CYP11A1: variants seen among roughly 807,000 people sequenced by gnomAD.
The protein encoded by CYP11A1 is cholesterol side-chain cleavage enzyme, mitochondrial.
In CYP11A1, 25 loss-of-function variants were observed where a neutral mutation model predicts 51.9. The observed-to-expected ratio is 0.48, with a 90% CI of 0.35 to 0.67. The LOEUF (loss-of-function observed/expected upper bound fraction) is 0.67. Ranked by LOEUF, CYP11A1 falls within the 30% of genes least tolerant of loss-of-function variation. The pLI, the probability that CYP11A1 is intolerant of heterozygous loss-of-function variation, is 0.00. For synonymous variants in CYP11A1, 245 were observed against 262.1 expected (o/e 0.93, Z 0.63); for missense variants, 578 against 680.9 (o/e 0.85, Z 1.68).
At chr15:74,366,277 A>ATTT (rs759681873) in intron 1 of CYP11A1, 881 of 776,074 alleles carry the variant, frequency 1.1e-3, no homozygotes, top group South Asian at 1.3e-3. Flanking sequence ...CCCTCCCCCG[A>ATTT]TTTTTTTTTT....
intron 1 of CYP11A1, chr15:74,365,971 T>C (rs1435889375): frequency 1.2e-6 from 1 of 831,504 alleles, no homozygotes; most frequent in Non-Finnish European, 1.3e-6. Flanking sequence ...GACTGGGACC[T>C]AGGACCTGCG....
At chr15:74,348,089 A>G (rs1242153511) in intron 1 of CYP11A1, 34 bp from the exon 2 acceptor site, 1 of 1,610,384 alleles carries the variant, frequency 6.2e-7, no homozygotes, top group Non-Finnish European at 8.5e-7. Flanking sequence ...TGATGGAAGG[A>G]TCCGAGGAGA....
chr15:74,349,443 A>C (rs2060645994), intron 1 of CYP11A1, among the ~76,000 whole-genome samples: 1 of 152,176 alleles, frequency 6.6e-6, no homozygotes, highest in African/African-American at 2.4e-5. Context: ...TGAGCCAGAA[A>C]GCCTGGGCCT....
chr15:74,357,513 T>G (rs1419008900), intron 1 of CYP11A1, among the ~76,000 whole-genome samples: 1 of 152,206 alleles, frequency 6.6e-6, no homozygotes, highest in Non-Finnish European at 1.5e-5. Context: ...CCATCCTGAC[T>G]AAACCATTAT....
In CYP11A1 at chr15:74,345,100, C is replaced by T. The variant is rs759322669; in HGVS notation, c.569G>A (p.Gly190Asp). ...SVLHRRIKKA[G>D]SGNYSGDISD... ...GATGTCCCCCGAGTAATTTCCGGAG[C>T]CCGCCTTCTTGATGCGCCTGTGCAG... is the stretch of plus-strand genomic sequence containing the variant. The change falls in exon 3 of 9, where the codon GGC (glycine) becomes GAC (aspartate). Residue 190 changes from glycine to aspartate, a missense_variant. Physicochemically the swap from Gly to Asp is moderately conservative, Grantham distance 94. Coordinates refer to ENST00000268053, the MANE Select transcript of CYP11A1 (RefSeq NM_000781.3). This position sits in a 1 kb window ranked among gnomAD's most constrained non-coding sequence, Gnocchi z 4.3. The T allele has an allele frequency of 6.2e-7, 1 of 1,614,116 alleles. No individual in the cohort carries two copies. Among genetic ancestry groups the T allele is most frequent in the Non-Finnish European group, 8.5e-7 (1 of 1,179,986 alleles).
At chr15:74,355,573 T>G (rs2141242263) in intron 1 of CYP11A1, among the ~76,000 whole-genome samples, 1 of 152,138 alleles carries the variant, frequency 6.6e-6, no homozygotes, top group Admixed American at 6.5e-5. Context: ...CTCAGGTCAC[T>G]CCCCAGCCAG....
chr15:74,338,626 C>T lies in CYP11A1; in HGVS notation c.1379G>A (p.Arg460Gln), dbSNP rs1567050773. The T allele has an allele frequency of 2.5e-6, 4 of 1,614,184 alleles. No homozygotes were observed. The highest frequency in any genetic ancestry group is 1.1e-5 in the South Asian group (1 of 91,090). The change falls in exon 8 of 9, where the codon CGG (arginine) becomes CAG (glutamine). Residue 460 changes from arginine (R) to glutamine (Q), a missense_variant. Transcript: ENST00000268053. ...FRNLGFGWGV[R>Q]QCLGRRIAEL... ...AGCGATCCGCCGTCCCAGACACTGCCGCACACCCCAGCCAAAGCCCAAGTT... is the reference window on the plus strand; with the variant it reads ...AGCGATCCGCCGTCCCAGACACTGCTGCACACCCCAGCCAAAGCCCAAGTT...
rs1287160060 is a variant in CYP11A1 at position 74,366,163 on chromosome 15, C to G, written c.269+1154G>C. On this transcript the variant is annotated intron_variant, in intron 1 of 8. Transcript: ENST00000268053. ...GGGCGGACCCAATTTCGGAATAGCG[C>G]GGCCCGGGCGGCGGCGTGCGCTGGG... The G allele has an allele frequency of 1.7e-5, 17 of 985,522 alleles. No individual in the cohort carries two copies. The East Asian group carries it at 1.6e-3, about 92-fold the overall frequency. 61.0% of individuals were successfully genotyped at this position (985,522 alleles called of 1,614,324 possible).
Position 74,367,504 on chromosome 15 carries a change from C to T in CYP11A1, c.82G>A (p.Gly28Arg), listed in dbSNP as rs1251910373. The T allele has an allele frequency of 1.2e-6, 2 of 1,614,150 alleles. No homozygotes were observed. Among genetic ancestry groups the T allele is most frequent in the East Asian group, 2.2e-5 (1 of 44,890 alleles). ...TFLSAPREGL[G>R]RLRVPTGEGA... The stretch of plus-strand genomic sequence containing the variant: ...TCGCCAGTGGGCACCCTGAGACGCC[C>T]CAGCCCCTCCCTGGGGGCACTCAGA... Residue 28 changes from glycine (G) to arginine (R), a missense_variant, in exon 1 of 9, where the codon GGG (glycine) becomes AGG (arginine). Physicochemically the swap from Gly to Arg is moderately radical, Grantham distance 125. Coordinates refer to ENST00000268053, the MANE Select transcript of CYP11A1 (RefSeq NM_000781.3).
In CYP11A1 at chr15:74,345,309, GC is replaced by G; in HGVS notation, c.426-67del. ...CCCAGGCCTGGTGAACACAGAGGGG[GC>G]TGACTCAGTTTTCCCAGGAAGCTGA... is the stretch of plus-strand genomic sequence containing the variant. On this transcript the variant is annotated intron_variant, in intron 2 of 8. Transcript: ENST00000268053. This position sits in a 1 kb window ranked among gnomAD's most constrained non-coding sequence, Gnocchi z 4.3. 6.4e-7 allele frequency: 1 copy of G among 1,571,880 alleles called. No homozygotes were observed. Among genetic ancestry groups the G allele is most frequent in the Non-Finnish European group, 8.7e-7 (1 of 1,144,802 alleles).
At chr15:74,339,819 T>C in intron 5 of CYP11A1, 66 bp from the exon 6 acceptor site, 1 of 1,496,118 alleles carries the variant, frequency 6.7e-7, no homozygotes, top group Non-Finnish European at 9.3e-7. Context: ...TTGAGGTCCT[T>C]GACCCCATGG....
Position 74,338,668 on chromosome 15 carries a change from T to G in CYP11A1, c.1337A>C (p.Asn446Thr). ...DPTRWLSKDK[N>T]ITYFRNLGFG... ...GCCCAAGTTCCGGAAGTAGGTGATG[T>G]TCTTGTCTTTGCTCAGCCATCGGGT... Residue 446 changes from asparagine (N) to threonine (T), a missense_variant, in exon 8 of 9, where the codon AAC becomes ACC. Physicochemically the swap from Asn to Thr is moderately conservative, Grantham distance 65. Coordinates refer to ENST00000268053, the MANE Select transcript of CYP11A1 (RefSeq NM_000781.3). The G allele has an allele frequency of 1.2e-6, 2 of 1,614,140 alleles. No homozygotes were observed. Among genetic ancestry groups the G allele is most frequent in the Non-Finnish European group, 1.7e-6 (2 of 1,180,014 alleles).
intron 1 of CYP11A1, chr15:74,362,933 T>C (rs2060715725): frequency 6.6e-6 from 1 of 152,196 alleles, no homozygotes; most frequent in South Asian, 2.1e-4. Context: ...AAAAATTGAT[T>C]CACTCCACAT....
chr15:74,341,583 A>C (rs569116154), intron 5 of CYP11A1, among the ~76,000 whole-genome samples: 1 of 151,534 alleles, frequency 6.6e-6, no homozygotes, highest in Non-Finnish European at 1.5e-5. Context: ...GCCACTCCCC[A>C]CCTCTCAGCT....
At position 74,343,075 on chromosome 15, in the gene CYP11A1, A is replaced by G. The variant is rs2060614710; in HGVS notation, c.892T>C (p.Tyr298His). The G allele has an allele frequency of 6.2e-7, 1 of 1,613,868 alleles. No homozygotes were observed. Among genetic ancestry groups the G allele is most frequent in the Non-Finnish European group, 8.5e-7 (1 of 1,179,970 alleles). ...AGGAGTCTGTAGAGGATGCCACGGT[A>G]ATCGTGGTGAACACTTCCTTTCTGT... is the stretch of plus-strand genomic sequence containing the variant. Reference protein sequence around the residue: ...LRQKGSVHHDYRGILYRLLGD... With the variant: ...LRQKGSVHHDHRGILYRLLGD... The change falls in exon 5 of 9, where the codon TAC becomes CAC. Residue 298 changes from tyrosine to histidine, a missense_variant. Physicochemically the swap from Tyr to His is moderately conservative, Grantham distance 83. Coordinates refer to ENST00000268053, the MANE Select transcript of CYP11A1 (RefSeq NM_000781.3).
Position 74,343,738 on chromosome 15 carries a change from G to A in CYP11A1, c.829+51C>T, listed in dbSNP as rs527958779. 7.9e-6 allele frequency: 12 copies of A among 1,520,854 alleles called. No homozygotes were observed. In the East Asian group the frequency reaches 1.1e-4, roughly 14 times the overall value. The allele number at this position is 1,520,854 out of a possible 1,614,324, so 94.2% of individuals were successfully genotyped here. On this transcript the variant is annotated intron_variant, in intron 4 of 8. Coordinates refer to ENST00000268053, the MANE Select transcript of CYP11A1 (RefSeq NM_000781.3). ...TGACATAGCGTGGGACAAAGGAGCCGGCTGAGGCCTGGGGCTCCGAGGAGG... is the reference window on the plus strand; with the variant it reads ...TGACATAGCGTGGGACAAAGGAGCCAGCTGAGGCCTGGGGCTCCGAGGAGG...
chr15:74,359,271 A>G (rs773864540), intron 1 of CYP11A1, among the ~76,000 whole-genome samples: 1 of 152,128 alleles, frequency 6.6e-6, no homozygotes, highest in Non-Finnish European at 1.5e-5. Flanking sequence ...ATCCTGCTTG[A>G]AGCAGCCCTG....
At chr15:74,357,045 T>C (rs2060683757) in intron 1 of CYP11A1, among the ~76,000 whole-genome samples, 1 of 152,132 alleles carries the variant, frequency 6.6e-6, no homozygotes, top group Non-Finnish European at 1.5e-5. Context: ...ACCAGACAGG[T>C]CTTACAGGTT....
chr15:74,364,441 T>C (rs958767749), intron 1 of CYP11A1: 4 of 152,224 alleles, frequency 2.6e-5, no homozygotes, highest in Non-Finnish European at 5.9e-5. Flanking sequence ...TGTATGACTA[T>C]GTAACTTGAA....
Sources: allele counts gnomAD v4.1 joint callset (sites outside exome capture counted in the v4.1 genomes callset), GRCh38; gene constraint gnomAD v4.1.1; non-coding constraint Gnocchi (gnomAD v3.1); transcripts MANE v1.5; gene names NCBI Gene and HGNC (gene_info 2026-07-23, HGNC 2026-07-21).